The following CYP2J2 variants were observed in gnomAD, a reference collection of about 807,000 sequenced individuals.
CYP2J2 encodes the protein cytochrome P450 2J2.
A neutral mutation model predicts 48.8 loss-of-function variants in CYP2J2; 41 were observed. The ratio of observed to expected loss-of-function variants is 0.84; its 90% CI spans 0.66 to 1.09. CYP2J2 has a LOEUF of 1.09. Among genes scored for constraint, CYP2J2 ranks in the 50% least tolerant of loss-of-function variants. The pLI is 0.00. For missense variants in CYP2J2, 644 were observed against 617.3 expected (o/e 1.04, Z -0.46); for synonymous variants, 221 against 227.1 (o/e 0.97, Z 0.24).
rs1644397991 is a variant in CYP2J2, at chr1:59,909,973, A to G, written c.685-13T>C. ...AGACATTGTAGAGCTAATTGAGAAAAACAAAACAATCATGCAGATAACATG... is the reference window on the plus strand; with the variant it reads ...AGACATTGTAGAGCTAATTGAGAAAGACAAAACAATCATGCAGATAACATG... On this transcript the variant is annotated splice_polypyrimidine_tract_variant and intron_variant, in intron 4 of 8. Coordinates refer to ENST00000371204, the MANE Select transcript of CYP2J2 (RefSeq NM_000775.4). The G allele has an allele frequency of 6.3e-7, 1 of 1,590,568 alleles. No individual in the cohort carries two copies. The highest frequency in any genetic ancestry group is 1.4e-5 in the African/African-American group (1 of 73,066).
Position 59,893,750 on chromosome 1 carries a change from G to A in CYP2J2, c.1410C>T (p.Thr470=), listed in dbSNP as rs1390758614. Reference sequence around the variant, plus strand: ...GCTTCTCATTGTTTGGGGGCCTGAAGGTAAATTTTTGCATAAGGGAAGTGA... The same window carrying A: ...GCTTCTCATTGTTTGGGGGCCTGAAAGTAAATTTTTGCATAAGGGAAGTGA... The part of the protein sequence containing the change: ...IFFTSLMQKF[T]FRPPNNEKLS... The change falls in exon 9 of 9, where the codon ACC becomes ACT. Residue 470 remains threonine (T), a synonymous_variant. Transcript: ENST00000371204. 3 of 1,613,174 alleles carry A rather than the reference G, an allele frequency of 1.9e-6. No individual in the cohort carries two copies. Among genetic ancestry groups the A allele is most frequent in the African/African-American group, 1.3e-5 (1 of 74,918 alleles).
intron 8 of CYP2J2, among the ~76,000 whole-genome samples, chr1:59,899,470 T>C (rs932049325): frequency 2.6e-5 from 4 of 152,136 alleles, no homozygotes; most frequent in Non-Finnish European, 4.4e-5. Flanking sequence ...GGTCATTCCG[T>C]TTCTGCCCTT....
the CYP2J2 span, among the ~76,000 whole-genome samples, chr1:59,969,196 G>A: frequency 6.6e-6 from 1 of 152,214 alleles, no homozygotes; most frequent in African/African-American, 2.4e-5. Flanking sequence ...CAGTATGAAA[G>A]GGGATCCGAG....
chr1:59,943,450 A>T, the CYP2J2 span, among the ~76,000 whole-genome samples: 37 of 152,302 alleles, frequency 2.4e-4, 1 homozygote, highest in Admixed American at 6.5e-4. Context: ...GAAAATACGG[A>T]TGGAGAGAGA....
chr1:59,922,479 T>G (rs944329241), intron 1 of CYP2J2, among the ~76,000 whole-genome samples: 6 of 152,126 alleles, frequency 3.9e-5, no homozygotes. Context: ...CCCAGAAACA[T>G]AAAAATGCAA....
intron 6 of CYP2J2, among the ~76,000 whole-genome samples, chr1:59,905,651 C>G (rs993877094): frequency 1.3e-5 from 2 of 152,194 alleles, no homozygotes; most frequent in Non-Finnish European, 2.9e-5. Flanking sequence ...AACATTGATG[C>G]TGCAAGTTAC....
At chr1:59,941,191 G>A in the CYP2J2 span, among the ~76,000 whole-genome samples, 4 of 152,268 alleles carry the variant, frequency 2.6e-5, no homozygotes, top group South Asian at 8.3e-4. Flanking sequence ...GTCTTCTGCT[G>A]GCCTGGCTTA....
At chr1:59,918,655 C>T (rs1323727707) in intron 1 of CYP2J2, among the ~76,000 whole-genome samples, 2 of 146,686 alleles carry the variant, frequency 1.4e-5, no homozygotes, top group East Asian at 4.0e-4. Context: ...AATTGTATAT[C>T]ATTAAATGAG....
rs567807189 is a variant in CYP2J2 at position 59,922,278 on chromosome 1, A to G, written c.210+4259T>C. On this transcript the variant is annotated intron_variant, in intron 1 of 8. Transcript: ENST00000371204. Reference sequence around the variant, plus strand: ...GGCAGTTCACTGTTCGTTCTCAGTCATTTTGCTCCATGGTAAAATGGAAGC... The same window carrying G: ...GGCAGTTCACTGTTCGTTCTCAGTCGTTTTGCTCCATGGTAAAATGGAAGC... Among the ~76,000 whole-genome samples the G allele has an allele frequency of 9.9e-5, 15 of 152,274 alleles. 1 individual carries two copies. The South Asian group carries it at 2.5e-3, about 25-fold the overall frequency.
At position 59,907,917 on chromosome 1, in the gene CYP2J2, T is replaced by C. The variant is rs748177509; in HGVS notation, c.872A>G (p.Asn291Ser). The C allele has an allele frequency of 6.2e-7, 1 of 1,614,084 alleles. No homozygotes were observed. The highest frequency in any genetic ancestry group is 8.5e-7 in the Non-Finnish European group (1 of 1,179,958). ...YLKEMSKHTG[N>S]PTSSFHEENL... is the part of the protein sequence containing the mutation. ...TTCTTCATGGAAACTTGAAGTAGGATTGCCTGTGTGCTAGAAAACACAATG... is the reference window on the plus strand; with the variant it reads ...TTCTTCATGGAAACTTGAAGTAGGACTGCCTGTGTGCTAGAAAACACAATG... The change falls in exon 6 of 9, where the codon AAT becomes AGT. Residue 291 changes from asparagine (N) to serine (S), a missense_variant. By Grantham distance (46) the Asn-to-Ser change is conservative. Transcript: ENST00000371204.
chr1:59,928,708 C>G (rs577931491), upstream of CYP2J2, among the ~76,000 whole-genome samples: 1 of 152,248 alleles, frequency 6.6e-6, no homozygotes, highest in South Asian at 2.1e-4. Flanking sequence ...TGCCCTCATC[C>G]CAGCTTTCTC....
Position 59,911,748 on chromosome 1 carries a change from A to C in CYP2J2, c.544T>G (p.Phe182Val). ...TTGGAAACTGCATTGTTGATCTTGA[A>C]ATGAGGGTCAAAAGGCTGTCCTGAA... is the stretch of plus-strand genomic sequence containing the variant. ...EENGQPFDPH[F>V]KINNAVSNII... Residue 182 changes from phenylalanine (F) to valine (V), a missense_variant, in exon 4 of 9, where the codon TTC becomes GTC. By Grantham distance (50) the Phe-to-Val change is conservative. Transcript: ENST00000371204. 2.5e-6 allele frequency: 4 copies of C among 1,613,228 alleles called. No homozygotes were observed. The highest frequency in any genetic ancestry group is 3.4e-6 in the Non-Finnish European group (4 of 1,179,544).
chr1:59,915,465 C>T (rs1335363887), intron 2 of CYP2J2, among the ~76,000 whole-genome samples: 1 of 151,474 alleles, frequency 6.6e-6, no homozygotes, highest in Non-Finnish European at 1.5e-5. Context: ...AGTGTTCATG[C>T]CAATCTGTTC....
intron 1 of CYP2J2, among the ~76,000 whole-genome samples, chr1:59,924,123 C>T (rs1033983700): frequency 6.6e-6 from 1 of 152,004 alleles, no homozygotes; most frequent in Non-Finnish European, 1.5e-5. Flanking sequence ...TTAACAGAAA[C>T]CACAGAGGCC....
intron 7 of CYP2J2, among the ~76,000 whole-genome samples, chr1:59,902,344 T>C (rs771782625): frequency 6.6e-6 from 1 of 152,210 alleles, no homozygotes; most frequent in African/African-American, 2.4e-5. Flanking sequence ...GTATGTAGTG[T>C]TTGTTGAATT....
At chr1:59,926,469 G>C (rs893893918) in intron 1 of CYP2J2, 68 bp downstream of exon 1, 1 of 1,409,608 alleles carries the variant, frequency 7.1e-7, no homozygotes, top group African/African-American at 1.4e-5. Flanking sequence ...CCACGTTGCC[G>C]GAACGTCCCT....
the CYP2J2 span, among the ~76,000 whole-genome samples, chr1:59,959,634 G>A: frequency 6.6e-6 from 1 of 151,870 alleles, no homozygotes; most frequent in Non-Finnish European, 1.5e-5. Flanking sequence ...ATATATGTGT[G>A]TGATATATGT....
intron 1 of CYP2J2, among the ~76,000 whole-genome samples, chr1:59,923,593 C>A (rs943609303): frequency 6.6e-6 from 1 of 151,718 alleles, no homozygotes; most frequent in African/African-American, 2.4e-5. Context: ...GACATTTTAA[C>A]AAAGAAATAA....
chr1:59,893,797 T>C lies in CYP2J2; in HGVS notation c.1363A>G (p.Arg455Gly). The change falls in exon 9 of 9, where the codon AGG becomes GGG. Residue 455 changes from arginine to glycine, a missense_variant. Coordinates refer to ENST00000371204, the MANE Select transcript of CYP2J2 (RefSeq NM_000775.4). ...KRACLGEQLA[R>G]TELFIFFTSL... The stretch of plus-strand genomic sequence containing the variant: ...GTGAAGAAAATAAACAGCTCAGTCC[T>C]GGCCAACTGTTCTCCGAGGCATGCC... 6.2e-7 allele frequency: 1 copy of C among 1,610,880 alleles called. No individual in the cohort carries two copies. The highest frequency in any genetic ancestry group is 8.5e-7 in the Non-Finnish European group (1 of 1,178,760).
Sources: gnomAD v4.1 joint callset for allele counts (sites outside exome capture counted in the v4.1 genomes callset) on GRCh38, gnomAD v4.1.1 for gene constraint, MANE v1.5 for transcripts, NCBI Gene and HGNC (gene_info 2026-07-23, HGNC 2026-07-21) for gene names.